The following ARAP2 variants were observed in gnomAD, a reference collection of about 807,000 sequenced individuals.
ARAP2 encodes the protein arf-GAP with Rho-GAP domain, ANK repeat and PH domain-containing protein 2.
A neutral mutation model predicts 194.5 loss-of-function variants in ARAP2; 148 were observed. The ratio of observed to expected loss-of-function variants is 0.76; its 90% confidence interval spans 0.67 to 0.87. The LOEUF (loss-of-function observed/expected upper bound fraction) is 0.87. ARAP2 is among the 40% of genes least tolerant of loss of function. The probability of loss-of-function intolerance (pLI) is 0.00; values close to 1 mark genes in which losing one functional copy is unlikely to be tolerated. For synonymous variants in ARAP2, 695 were observed against 683.5 expected, an observed-to-expected ratio of 1.02 and a Z score of -0.26; for missense variants, 2,128 against 1,989.7, an observed-to-expected ratio of 1.07 and a Z score of -1.32.
chr4:36,144,479 C>T (rs553404079), intron 19 of ARAP2, among the ~76,000 whole-genome samples: 4 of 151,848 alleles, frequency 2.6e-5, no homozygotes, highest in African/African-American at 9.6e-5. Context: ...GTGAAATCAT[C>T]ATCTAGTAAC....
At chr4:36,131,148 G>A (rs1217318957) in intron 20 of ARAP2, among the ~76,000 whole-genome samples, 1 of 151,574 alleles carries the variant, frequency 6.6e-6, no homozygotes, top group Non-Finnish European at 1.5e-5. Context: ...TAATCACTGG[G>A]TGTTTTCTAA....
chr4:36,133,826 T>C (rs1441644955), intron 19 of ARAP2, among the ~76,000 whole-genome samples: 1 of 151,780 alleles, frequency 6.6e-6, no homozygotes, highest in African/African-American at 2.4e-5. Flanking sequence ...TTAGTCTCTT[T>C]CCCAATCTCA....
At chr4:36,085,370 AT>A (rs1018369603) in intron 28 of ARAP2, among the ~76,000 whole-genome samples, 1 of 151,902 alleles carries the variant, frequency 6.6e-6, no homozygotes, top group African/African-American at 2.4e-5. Context: ...TCTGGAATAC[AT>A]TTTTTTATAT....
chr4:36,084,367 C>A (rs767542797), intron 28 of ARAP2, among the ~76,000 whole-genome samples: 3 of 151,942 alleles, frequency 2.0e-5, no homozygotes, highest in Non-Finnish European at 4.4e-5. Context: ...TGGGGTAGTA[C>A]CTTGTATTCA....
intron 5 of ARAP2, among the ~76,000 whole-genome samples, chr4:36,030,775 A>G (rs1245135500): frequency 1.4e-5 from 2 of 145,212 alleles, no homozygotes; most frequent in African/African-American, 5.1e-5. Flanking sequence ...TGATCAGTCA[A>G]CTCTTGTTTG....
chr4:36,056,043 AG>A (rs775834293), intron 2 of ARAP2, among the ~76,000 whole-genome samples: 2 of 152,244 alleles, frequency 1.3e-5, no homozygotes, highest in African/African-American at 2.4e-5. Context: ...TATTTTTATT[AG>A]GTACTTGAGT....
At position 36,080,197 on chromosome 4, in the gene ARAP2, G is replaced by A. The variant is rs6823336; in HGVS notation, c.4608+19C>T. On this transcript the variant is annotated intron_variant, in intron 31 of 32. Transcript: ENST00000303965. ...CAAAGTTATTATACTCTACTGGATAGTTCAAACAAATCTCGTACCTGGGCA... is the reference window on the plus strand; with the variant it reads ...CAAAGTTATTATACTCTACTGGATAATTCAAACAAATCTCGTACCTGGGCA... The A allele has an allele frequency of 3.3e-3, 5,239 of 1,605,646 alleles. 81 individuals carry two copies. In the African/African-American group the frequency reaches 0.046, roughly 14 times the overall value.
intron 8 of ARAP2, among the ~76,000 whole-genome samples, chr4:36,014,236 A>T (rs1169505974): frequency 1.3e-5 from 1 of 77,756 alleles, no homozygotes; most frequent in Non-Finnish European, 3.0e-5. Context: ...AAAGAAAGAA[A>T]GAAAGAAAGA....
chr4:36,118,582 A>T (rs1721964479), intron 24 of ARAP2, among the ~76,000 whole-genome samples: 1 of 151,436 alleles, frequency 6.6e-6, no homozygotes, highest in Admixed American at 6.6e-5. Context: ...TATAAAAGAT[A>T]AAAAATGCAA....
intron 19 of ARAP2, among the ~76,000 whole-genome samples, chr4:36,146,405 C>A (rs1283785840): frequency 6.6e-6 from 1 of 152,054 alleles, no homozygotes; most frequent in East Asian, 1.9e-4. Flanking sequence ...AATATTCACA[C>A]ATCATGACCG....
chr4:36,121,353 T>C (rs1649674196), intron 22 of ARAP2, 27 bp from the exon 23 acceptor site: 1 of 1,537,174 alleles, frequency 6.5e-7, no homozygotes, highest in African/African-American at 1.4e-5. Context: ...TAGTTTATTA[T>C]GATACACTTT....
intron 19 of ARAP2, among the ~76,000 whole-genome samples, chr4:36,144,246 T>C (rs1044462099): frequency 2.0e-5 from 3 of 151,964 alleles, no homozygotes; most frequent in African/African-American, 7.2e-5. Flanking sequence ...GATACTTGTC[T>C]ATTTGTTTAA....
At chr4:36,169,853 C>T (rs1328751977) in intron 9 of ARAP2, among the ~76,000 whole-genome samples, 4 of 152,062 alleles carry the variant, frequency 2.6e-5, no homozygotes, top group Non-Finnish European at 4.4e-5. Context: ...CTTGCCATGG[C>T]CATATGGTTT....
chr4:36,235,822 G>A (rs949293621), intron 1 of ARAP2, among the ~76,000 whole-genome samples: 10 of 152,130 alleles, frequency 6.6e-5, no homozygotes, highest in African/African-American at 2.4e-4. Context: ...AGTGTGAGGG[G>A]TGGGGCAGTA....
chr4:36,172,911 T>G (rs1393832217), intron 9 of ARAP2, among the ~76,000 whole-genome samples: 1 of 152,186 alleles, frequency 6.6e-6, no homozygotes, highest in Non-Finnish European at 1.5e-5. Flanking sequence ...TGCTCCTTTC[T>G]GTGCCACACA....
At chr4:36,055,859 C>A (rs1000578983) in intron 2 of ARAP2, among the ~76,000 whole-genome samples, 25 of 152,280 alleles carry the variant, frequency 1.6e-4, no homozygotes, top group African/African-American at 6.0e-4. Context: ...CCACTGCGCC[C>A]AGCCAGTTTC....
chr4:36,083,917 CAGG>C (rs1253502484), intron 28 of ARAP2, among the ~76,000 whole-genome samples: 3 of 152,090 alleles, frequency 2.0e-5, no homozygotes, highest in African/African-American at 7.2e-5. Flanking sequence ...ATAAAGCAGG[CAGG>C]AGAAGATGGA....
chr4:36,133,193 C>T, intron 20 of ARAP2, 33 bp downstream of exon 20: 1 of 1,605,086 alleles, frequency 6.2e-7, no homozygotes, highest in Non-Finnish European at 8.5e-7. Context: ...ACAATCAGTT[C>T]TAAGGGTTGA....
intron 5 of ARAP2, among the ~76,000 whole-genome samples, chr4:36,034,803 T>C (rs1719633296): frequency 6.6e-6 from 1 of 152,162 alleles, no homozygotes; most frequent in Non-Finnish European, 1.5e-5. Flanking sequence ...CATGAAAGGA[T>C]GTTGAATGTT....
Sources: allele counts gnomAD v4.1 joint callset (sites outside exome capture counted in the v4.1 genomes callset), GRCh38; gene constraint gnomAD v4.1.1; transcripts MANE v1.5; gene names NCBI Gene and HGNC (gene_info 2026-07-23, HGNC 2026-07-21).